The following SLC38A12 variants were observed in gnomAD, a reference collection of about 807,000 sequenced individuals.
SLC38A12 encodes the protein solute carrier family 38 member 12, also known as putative sodium-coupled neutral amino acid transporter 12.
chr17:74,781,211 A>G, the SLC38A12 span, among the ~76,000 whole-genome samples: 1 of 152,218 alleles, frequency 6.6e-6, no homozygotes, highest in Non-Finnish European at 1.5e-5. Context: ...TGACTTTTAC[A>G]TCCCAAGACC....
the SLC38A12 span, chr17:74,837,135 G>C: frequency 1.0e-6 from 1 of 989,732 alleles, no homozygotes; most frequent in East Asian, 1.1e-4. Flanking sequence ...ACTAGCAGCT[G>C]CTGCCTCTTC....
chr17:74,819,895 C>T, the SLC38A12 span: 2 of 1,541,710 alleles, frequency 1.3e-6, no homozygotes, highest in Non-Finnish European at 1.8e-6. Flanking sequence ...TCGTCCCTTC[C>T]CTCTCCTTTC....
chr17:74,790,666 C>G, the SLC38A12 span, among the ~76,000 whole-genome samples: 19 of 151,908 alleles, frequency 1.3e-4, no homozygotes, highest in East Asian at 1.9e-3. Context: ...CTTGTGCCCT[C>G]ATGTTCATAC....
At chr17:74,808,521 G>A in the SLC38A12 span, among the ~76,000 whole-genome samples, 1 of 152,190 alleles carries the variant, frequency 6.6e-6, no homozygotes, top group East Asian at 1.9e-4. Context: ...GGCAGTGCCA[G>A]TCCACTTGCT....
At chr17:74,790,316 C>T in the SLC38A12 span, 34 of 1,606,174 alleles carry the variant, frequency 2.1e-5, no homozygotes, top group Non-Finnish European at 2.8e-5. Flanking sequence ...GGGGTTCTCG[C>T]GGGCCCGCAC....
At chr17:74,795,544 C>G in the SLC38A12 span, 1 of 1,613,966 alleles carries the variant, frequency 6.2e-7, no homozygotes, top group Non-Finnish European at 8.5e-7. Context: ...GGCAATGACT[C>G]CTGCGGTGTG....
At chr17:74,838,650 A>G in the SLC38A12 span, 1 of 1,389,278 alleles carries the variant, frequency 7.2e-7, no homozygotes, top group East Asian at 2.7e-5. Flanking sequence ...GCCGTTGTCT[A>G]GCTGCTTTGC....
the SLC38A12 span, among the ~76,000 whole-genome samples, chr17:74,827,492 C>T: frequency 6.6e-6 from 1 of 152,082 alleles, no homozygotes; most frequent in African/African-American, 2.4e-5. The surrounding 1 kb of genome is among the most constrained non-coding windows in gnomAD (Gnocchi z 4.7). Context: ...GATGGGTTTT[C>T]TCCATGTTGG....
the SLC38A12 span, among the ~76,000 whole-genome samples, chr17:74,831,325 A>G: frequency 6.6e-6 from 1 of 152,226 alleles, no homozygotes; most frequent in Non-Finnish European, 1.5e-5. Flanking sequence ...TGCTGTCCCC[A>G]GATGGCCAGC....
chr17:74,839,237 A>T, the SLC38A12 span: 1 of 1,411,050 alleles, frequency 7.1e-7, no homozygotes, highest in Non-Finnish European at 9.4e-7. Flanking sequence ...GGGCAGTGGC[A>T]CCATGACGGG....
the SLC38A12 span, among the ~76,000 whole-genome samples, chr17:74,796,919 G>A: frequency 1.3e-5 from 2 of 152,172 alleles, no homozygotes; most frequent in African/African-American, 2.4e-5. Flanking sequence ...ATTAGCAGAG[G>A]TATTAGTAAG....
At chr17:74,829,551 G>T in the SLC38A12 span, among the ~76,000 whole-genome samples, 3 of 152,184 alleles carry the variant, frequency 2.0e-5, no homozygotes, top group African/African-American at 7.2e-5. This position sits in a 1 kb window ranked among gnomAD's most constrained non-coding sequence, Gnocchi z 4.1. Context: ...TGGGTTTGTT[G>T]CCACCTTCAG....
the SLC38A12 span, among the ~76,000 whole-genome samples, chr17:74,779,957 A>G: frequency 6.6e-6 from 1 of 152,246 alleles, no homozygotes; most frequent in African/African-American, 2.4e-5. Flanking sequence ...AACGTGGTTC[A>G]GAGAGGTACA....
chr17:74,812,500 G>C, the SLC38A12 span, among the ~76,000 whole-genome samples: 1 of 152,126 alleles, frequency 6.6e-6, no homozygotes, highest in African/African-American at 2.4e-5. Flanking sequence ...TTCCCATTTA[G>C]GGACGGGCTC....
the SLC38A12 span, among the ~76,000 whole-genome samples, chr17:74,818,781 C>T: frequency 1.6e-4 from 25 of 152,316 alleles, no homozygotes; most frequent in Admixed American, 1.3e-3. Flanking sequence ...ACACTGCTTC[C>T]GAGTGGCAGA....
the SLC38A12 span, among the ~76,000 whole-genome samples, chr17:74,810,792 T>C: frequency 6.6e-6 from 1 of 152,350 alleles, no homozygotes; most frequent in African/African-American, 2.4e-5. Context: ...TCGGACGACC[T>C]CCTCTAGATG....
the SLC38A12 span, among the ~76,000 whole-genome samples, chr17:74,784,811 G>A: frequency 6.6e-6 from 1 of 152,066 alleles, no homozygotes; most frequent in African/African-American, 2.4e-5. Context: ...ATGGGGAGTG[G>A]CCGCTAATGG....
the SLC38A12 span, among the ~76,000 whole-genome samples, chr17:74,834,918 A>G: frequency 6.6e-6 from 1 of 152,188 alleles, no homozygotes; most frequent in Non-Finnish European, 1.5e-5. Context: ...GAAGCGGGAG[A>G]CACAGAAAGA....
At chr17:74,800,397 C>T in the SLC38A12 span, among the ~76,000 whole-genome samples, 2 of 152,244 alleles carry the variant, frequency 1.3e-5, no homozygotes, top group Non-Finnish European at 2.9e-5. Context: ...TTTTCCTGGG[C>T]ACTCAAGTAG....
Sources: gnomAD v4.1 joint callset for allele counts (sites outside exome capture counted in the v4.1 genomes callset) on GRCh38, gnomAD v4.1.1 for gene constraint, Gnocchi (gnomAD v3.1) non-coding constraint, MANE v1.5 for transcripts, NCBI Gene and HGNC (gene_info 2026-07-23, HGNC 2026-07-21) for gene names.